PREX2: variants seen among roughly 807,000 people sequenced by gnomAD.
PREX2 encodes the protein phosphatidylinositol 3,4,5-trisphosphate-dependent Rac exchanger 2 protein.
Under a neutral mutation model 203.2 loss-of-function variants are expected in PREX2, and 107 were observed. The observed-to-expected ratio is 0.53, with a 90% confidence interval of 0.45 to 0.62. The LOEUF is 0.62. Among genes scored for constraint, PREX2 ranks in the 20% least tolerant of loss-of-function variants. PREX2 has a pLI of 0.00. For synonymous variants in PREX2, 672 were observed against 663.6 expected (o/e 1.01, Z -0.19); for missense variants, 1,777 against 1,955.9 (o/e 0.91, Z 1.72).
intron 2 of PREX2, 51 bp from the exon 3 acceptor site, chr8:68,019,498 T>TA: frequency 3.3e-6 from 5 of 1,517,632 alleles, no homozygotes; most frequent in South Asian, 1.2e-5. Flanking sequence ...ATCATAGACT[T>TA]AAAAAAATTG....
intron 8 of PREX2, among the ~76,000 whole-genome samples, chr8:68,048,605 C>T (rs1401011041): frequency 6.6e-6 from 1 of 151,664 alleles, no homozygotes; most frequent in Non-Finnish European, 1.5e-5. Flanking sequence ...TTAAATTGTG[C>T]TTATTAAAGA....
chr8:68,192,248 A>C, intron 36 of PREX2, 87 bp from the exon 37 acceptor site: 1 of 973,932 alleles, frequency 1.0e-6, no homozygotes, highest in South Asian at 1.8e-5. Context: ...ATAAAATTTT[A>C]GACTATTCTT....
chr8:67,964,967 T>G (rs1215840910), intron 1 of PREX2, among the ~76,000 whole-genome samples: 1 of 152,064 alleles, frequency 6.6e-6, no homozygotes, highest in Non-Finnish European at 1.5e-5. Context: ...TTCTGGATTG[T>G]GGGAATGGTG....
intron 11 of PREX2, among the ~76,000 whole-genome samples, chr8:68,065,374 C>T (rs371966409): frequency 3.5e-4 from 54 of 152,282 alleles, no homozygotes; most frequent in African/African-American, 1.2e-3. Context: ...TAGAGTTTCA[C>T]GTTATTTCTC....
chr8:68,163,465 G>C (rs183661483), intron 35 of PREX2, among the ~76,000 whole-genome samples: 58 of 152,270 alleles, frequency 3.8e-4, no homozygotes, highest in South Asian at 1.0e-3. Context: ...CAAAATCATA[G>C]GAATTTACCA....
intron 1 of PREX2, among the ~76,000 whole-genome samples, chr8:67,974,544 G>T (rs1022827065): frequency 6.6e-6 from 1 of 152,032 alleles, no homozygotes; most frequent in African/African-American, 2.4e-5. Context: ...TCCATGTAAG[G>T]GATAACAAAG....
At chr8:67,999,235 A>G (rs1175603957) in intron 1 of PREX2, among the ~76,000 whole-genome samples, 4 of 152,190 alleles carry the variant, frequency 2.6e-5, no homozygotes, top group African/African-American at 9.6e-5. Context: ...GGGTACACTA[A>G]TAAAGAAGGA....
chr8:68,127,515 T>C (rs905101826), intron 31 of PREX2, 96 bp downstream of exon 31: 2 of 786,222 alleles, frequency 2.5e-6, no homozygotes, highest in Non-Finnish European at 4.3e-6. Flanking sequence ...TTCAACCATT[T>C]ACAAAATAGA....
Position 68,235,598 on chromosome 8 carries a change from C to G in PREX2, c.*4220C>G, listed in dbSNP as rs898083692. The stretch of plus-strand genomic sequence containing the variant: ...GAATGTTTGAACTTTTAGTGATGAG[C>G]CTCAGCAAAGTTTCACCCTGCATGA... On this transcript the variant is annotated 3_prime_UTR_variant, in exon 40 of 40. Transcript: ENST00000288368. 6.6e-6 allele frequency: 1 copy of G among 152,044 alleles called. No individual in the cohort carries two copies. The highest frequency in any genetic ancestry group is 1.5e-5 in the Non-Finnish European group (1 of 68,006). 9.4% of individuals were successfully genotyped at this position (152,044 alleles called of 1,614,324 possible).
intron 1 of PREX2, among the ~76,000 whole-genome samples, chr8:68,013,861 A>C (rs1013329849): frequency 6.6e-6 from 1 of 152,132 alleles, no homozygotes; most frequent in Admixed American, 6.5e-5. Context: ...TGAATGTAGA[A>C]TATTTGTTGG....
intron 35 of PREX2, among the ~76,000 whole-genome samples, chr8:68,184,188 C>A (rs1056644184): frequency 6.6e-6 from 1 of 152,118 alleles, no homozygotes; most frequent in Non-Finnish European, 1.5e-5. Flanking sequence ...TATTCTTTAA[C>A]CACATGTGGC....
chr8:68,054,520 A>C (rs945163672), intron 9 of PREX2, among the ~76,000 whole-genome samples: 2 of 152,216 alleles, frequency 1.3e-5, no homozygotes, highest in Non-Finnish European at 1.5e-5. Context: ...CATTGTCAAA[A>C]ATAAAAATCT....
At chr8:67,980,413 A>G (rs1806233507) in intron 1 of PREX2, among the ~76,000 whole-genome samples, 1 of 152,120 alleles carries the variant, frequency 6.6e-6, no homozygotes, top group Non-Finnish European at 1.5e-5. Flanking sequence ...ATAGGATTGG[A>G]TGTTCCAAAA....
At position 68,083,355 on chromosome 8, in the gene PREX2, C is replaced by T; in HGVS notation, c.1994C>T (p.Pro665Leu). The T allele has an allele frequency of 6.2e-7, 1 of 1,610,692 alleles. No individual in the cohort carries two copies. Among genetic ancestry groups the T allele is most frequent in the Non-Finnish European group, 8.5e-7 (1 of 1,177,846 alleles). Residue 665 changes from proline to leucine, a missense_variant, in exon 18 of 40, where the codon CCT becomes CTT. Coordinates refer to ENST00000288368, the MANE Select transcript of PREX2 (RefSeq NM_024870.4). ...FLKSCLNSRKPLRVLVSTKPR... is the reference protein window; with the variant it reads ...FLKSCLNSRKLLRVLVSTKPR... ...AAATCGTGTTTAAACAGCAGAAAAC[C>T]TCTAAGAGTTCTTGTGAGCACAAAG... is the stretch of plus-strand genomic sequence containing the variant.
At chr8:68,047,490 T>TATATATATATATAC (rs1808396759) in intron 8 of PREX2, among the ~76,000 whole-genome samples, 4 of 115,320 alleles carry the variant, frequency 3.5e-5, no homozygotes, top group African/African-American at 2.4e-4. Context: ...TATATATATA[T>TATATATATATATAC]ATATATATAT....
intron 1 of PREX2, among the ~76,000 whole-genome samples, chr8:67,980,817 T>C (rs1806245354): frequency 6.6e-6 from 1 of 152,240 alleles, no homozygotes; most frequent in African/African-American, 2.4e-5. Flanking sequence ...TGCTTTGCCT[T>C]CTGTCATGAT....
Position 68,233,137 on chromosome 8 carries a change from CA to C in PREX2, c.*1760del, listed in dbSNP as rs1397108176. The C allele has an allele frequency of 6.6e-6, 1 of 152,148 alleles. No homozygotes were observed. The highest frequency in any genetic ancestry group is 6.6e-5 in the Admixed American group (1 of 15,264). The allele number at this position is 152,148 out of a possible 1,614,324, so 9.4% of individuals were successfully genotyped here. On this transcript the variant is annotated 3_prime_UTR_variant, in exon 40 of 40. Coordinates refer to ENST00000288368, the MANE Select transcript of PREX2 (RefSeq NM_024870.4). ...ATACAATGAAAAACAAGGAACCTAACATCAGAGTTTTCAAGAAAAAGTTGAA... is the reference window on the plus strand; with the variant it reads ...ATACAATGAAAAACAAGGAACCTAACTCAGAGTTTTCAAGAAAAAGTTGAA...
intron 31 of PREX2, among the ~76,000 whole-genome samples, chr8:68,133,349 A>G (rs1317765651): frequency 6.6e-6 from 1 of 152,186 alleles, no homozygotes; most frequent in African/African-American, 2.4e-5. Flanking sequence ...GCCTAACCAT[A>G]TCAGTGGGTT....
intron 1 of PREX2, among the ~76,000 whole-genome samples, chr8:68,007,160 A>G (rs927333358): frequency 6.6e-6 from 1 of 152,216 alleles, no homozygotes; most frequent in Non-Finnish European, 1.5e-5. Flanking sequence ...AGAAGTATTT[A>G]TGATATTTCA....
Sources: gnomAD v4.1 joint callset for allele counts (sites outside exome capture counted in the v4.1 genomes callset) on GRCh38, gnomAD v4.1.1 for gene constraint, MANE v1.5 for transcripts, NCBI Gene and HGNC (gene_info 2026-07-23, HGNC 2026-07-21) for gene names.